The following NRXN1 variants were observed in gnomAD, a reference collection of about 807,000 sequenced individuals.
The protein encoded by NRXN1 is neurexin-1.
A neutral mutation model predicts 150.9 loss-of-function variants in NRXN1; 39 were observed. The observed-to-expected ratio is 0.26, with a 90% CI of 0.20 to 0.34. NRXN1 has a LOEUF of 0.34. Ranked by LOEUF, NRXN1 falls within the 10% of genes least tolerant of loss-of-function variation. NRXN1 has a pLI of 1.00. For missense variants in NRXN1, 1,815 were observed against 1,949.9 expected, an observed-to-expected ratio of 0.93 and a Z score of 1.30; for synonymous variants, 924 against 757.0, an observed-to-expected ratio of 1.22 and a Z score of -3.62.
At chr2:50,556,562 T>A (rs1176043032) in intron 8 of NRXN1, among the ~76,000 whole-genome samples, 1 of 151,914 alleles carries the variant, frequency 6.6e-6, no homozygotes, top group East Asian at 1.9e-4. Flanking sequence ...CCTCGCTTCA[T>A]GGGCTTCTTT....
At chr2:50,382,443 G>A (rs935304312) in intron 17 of NRXN1, among the ~76,000 whole-genome samples, 9 of 152,086 alleles carry the variant, frequency 5.9e-5, no homozygotes, top group East Asian at 1.9e-4. Flanking sequence ...ATCATGGGAC[G>A]TCAGAGGGAA....
chr2:50,570,489 A>G (rs968062035), intron 8 of NRXN1, among the ~76,000 whole-genome samples: 2 of 152,064 alleles, frequency 1.3e-5, no homozygotes, highest in African/African-American at 4.8e-5. Context: ...ACAAGAGAAA[A>G]ATTTTACCCT....
At chr2:50,508,964 T>C (rs1057408134) in intron 12 of NRXN1, among the ~76,000 whole-genome samples, 2 of 152,172 alleles carry the variant, frequency 1.3e-5, no homozygotes, top group Non-Finnish European at 2.9e-5. Flanking sequence ...GAGTTAAGAA[T>C]TGCAGTTGCT....
At chr2:50,850,431 G>A (rs17569963) in intron 5 of NRXN1, among the ~76,000 whole-genome samples, 14,009 of 151,948 alleles carry the variant, frequency 0.092, 777 homozygotes, top group Middle Eastern at 0.14. Context: ...TGAAATATAC[G>A]GGATAAGTCA....
At chr2:50,661,541 C>T (rs867375004) in intron 5 of NRXN1, among the ~76,000 whole-genome samples, 6 of 152,122 alleles carry the variant, frequency 3.9e-5, no homozygotes, top group African/African-American at 1.4e-4. Context: ...CCTTAAGGGT[C>T]CTCAGTAATT....
At chr2:50,026,721 T>C (rs1455511503) in intron 21 of NRXN1, among the ~76,000 whole-genome samples, 1 of 152,076 alleles carries the variant, frequency 6.6e-6, no homozygotes, top group East Asian at 1.9e-4. Flanking sequence ...TCACTTCCTT[T>C]TTAGATTATG....
chr2:50,405,193 C>A (rs192314073), intron 17 of NRXN1, among the ~76,000 whole-genome samples: 2 of 152,182 alleles, frequency 1.3e-5, no homozygotes, highest in Admixed American at 1.3e-4. Flanking sequence ...AAAGTAAGAT[C>A]TTGAGGATCT....
At chr2:50,123,919 A>T (rs1704212578) in intron 18 of NRXN1, among the ~76,000 whole-genome samples, 2 of 152,154 alleles carry the variant, frequency 1.3e-5, no homozygotes, top group Non-Finnish European at 2.9e-5. Context: ...ATCAGGTAAT[A>T]AAAAGGGGAT....
chr2:50,823,190 T>A (rs1669978158), intron 5 of NRXN1, among the ~76,000 whole-genome samples: 1 of 152,158 alleles, frequency 6.6e-6, no homozygotes, highest in Non-Finnish European at 1.5e-5. Flanking sequence ...CTTCAAATGT[T>A]ATTAAGTTCA....
At chr2:50,578,276 G>A (rs916051900) in intron 8 of NRXN1, among the ~76,000 whole-genome samples, 3 of 152,120 alleles carry the variant, frequency 2.0e-5, no homozygotes, top group African/African-American at 7.2e-5. Context: ...AGAGCATAGT[G>A]TCTTGGACTC....
chr2:50,374,077 T>A (rs914441799), intron 17 of NRXN1, among the ~76,000 whole-genome samples: 3 of 98,212 alleles, frequency 3.1e-5, no homozygotes. Flanking sequence ...GTGGGGAGGA[T>A]CACTTCATCT....
chr2:50,701,529 G>T (rs1237033185), intron 5 of NRXN1, among the ~76,000 whole-genome samples: 2 of 152,078 alleles, frequency 1.3e-5, no homozygotes, highest in African/African-American at 4.8e-5. Context: ...TTTCTGAATG[G>T]TATTCTATTT....
intron 18 of NRXN1, among the ~76,000 whole-genome samples, chr2:50,195,437 T>C (rs1386615076): frequency 6.6e-6 from 1 of 152,316 alleles, no homozygotes; most frequent in African/African-American, 2.4e-5. Flanking sequence ...TTAACAGTGA[T>C]TGCCATTTTA....
Position 50,219,963 on chromosome 2 carries a change from T to TTA in NRXN1, c.3546+16824_3546+16825dup, listed in dbSNP as rs1358641617. 2.4e-3 allele frequency among the ~76,000 whole-genome samples: 148 copies of TTA among 60,700 alleles called. 5 individuals carry two copies. The highest frequency in any genetic ancestry group is 1.1e-3 in the Non-Finnish European group (38 of 35,854). 39.8% of individuals were successfully genotyped at this position (60,700 alleles called of 152,430 possible). A position where few individuals can be genotyped will look rare whatever the true frequency, so the allele number is the denominator to read the frequency against. On this transcript the variant is annotated intron_variant, in intron 18 of 22. Transcript: ENST00000401669. ...ATATATTATATATATAATATATATA[T>TTA]TATATATATATAATATATATATTAT...
intron 5 of NRXN1, among the ~76,000 whole-genome samples, chr2:50,921,163 T>A (rs1242889449): frequency 6.6e-6 from 1 of 151,820 alleles, no homozygotes. Flanking sequence ...ACCACTTACT[T>A]CCTTTTAATG....
chr2:50,394,273 T>C (rs1232911770), intron 17 of NRXN1, among the ~76,000 whole-genome samples: 1 of 152,076 alleles, frequency 6.6e-6, no homozygotes, highest in East Asian at 1.9e-4. Context: ...TTCTGACTCA[T>C]GTATCCATCT....
intron 17 of NRXN1, among the ~76,000 whole-genome samples, chr2:50,439,406 C>T (rs566126027): frequency 3.3e-5 from 5 of 152,164 alleles, no homozygotes; most frequent in Admixed American, 1.3e-4. Flanking sequence ...ATACAAATAT[C>T]TGAACACAAA....
chr2:50,373,650 GA>G (rs1472076620), intron 17 of NRXN1, among the ~76,000 whole-genome samples: 1 of 95,760 alleles, frequency 1.0e-5, no homozygotes, highest in Non-Finnish European at 2.2e-5. Context: ...AAGAAAGAAA[GA>G]AAGAAAGAAA....
At chr2:50,874,594 T>G (rs955371381) in intron 5 of NRXN1, among the ~76,000 whole-genome samples, 1 of 151,854 alleles carries the variant, frequency 6.6e-6, no homozygotes, top group Non-Finnish European at 1.5e-5. Context: ...CATCTCCAAA[T>G]GAAATAGTAG....
Sources: gnomAD v4.1 joint callset for allele counts (sites outside exome capture counted in the v4.1 genomes callset) on GRCh38, gnomAD v4.1.1 for gene constraint, MANE v1.5 for transcripts, NCBI Gene and HGNC (gene_info 2026-07-23, HGNC 2026-07-21) for gene names.